Variants in OVCH2 observed in about 807,000 individuals in gnomAD.
The protein encoded by OVCH2 is ovochymase 2, also known as ovochymase-2.
OVCH2 carries 88 observed loss-of-function variants against 73.7 expected under a neutral mutation model. The observed-to-expected ratio is 1.19, with a 90% CI of 1.01 to 1.43. The LOEUF is 1.43. Among genes scored for constraint, OVCH2 ranks in the 40% most tolerant of loss-of-function variants. OVCH2 has a pLI of 0.00. For synonymous variants in OVCH2, 265 were observed against 234.5 expected (o/e 1.13, Z -1.19); for missense variants, 706 against 674.5 (o/e 1.05, Z -0.52).
downstream of OVCH2, among the ~76,000 whole-genome samples, chr11:7,685,416 C>T (rs1443057742): frequency 6.6e-6 from 1 of 152,152 alleles, no homozygotes; most frequent in Non-Finnish European, 1.5e-5. Flanking sequence ...CTATTTCTAC[C>T]CACCTGCTGA....
At chr11:7,691,846 C>T in intron 13 of OVCH2, 56 bp downstream of exon 13, 1 of 1,381,720 alleles carries the variant, frequency 7.2e-7, no homozygotes, top group Non-Finnish European at 1.0e-6. Flanking sequence ...TCGTTCCCAT[C>T]TCAAGACTGG....
At chr11:7,680,930 C>T in the OVCH2 span, among the ~76,000 whole-genome samples, 1 of 152,172 alleles carries the variant, frequency 6.6e-6, no homozygotes, top group East Asian at 1.9e-4. Context: ...GGAGGAGCCC[C>T]CTGTTCTGAT....
chr11:7,678,704 A>G, the OVCH2 span, among the ~76,000 whole-genome samples: 1 of 152,240 alleles, frequency 6.6e-6, no homozygotes, highest in Non-Finnish European at 1.5e-5. Flanking sequence ...TTAATGCCGC[A>G]TGTTCTCACT....
chr11:7,701,355 C>A lies in OVCH2; in HGVS notation c.680G>T (p.Gly227Val), dbSNP rs1856433458. The A allele has an allele frequency of 6.2e-7, 1 of 1,613,278 alleles. No homozygotes were observed. Among genetic ancestry groups the A allele is most frequent in the Non-Finnish European group, 8.5e-7 (1 of 1,179,666 alleles). ...TGCGTCTCTCCCTCCATCAGGAAAA[C>A]CTGTGCAAAGAAAGGTCTTCCCACT... is the stretch of plus-strand genomic sequence containing the variant. Reference protein sequence around the residue: ...PISGKTFLCTGFPDGGRDACQ... With the variant: ...PISGKTFLCTVFPDGGRDACQ... The change falls in exon 6 of 16, where the codon GGT becomes GTT. Residue 227 changes from glycine (G) to valine (V), a missense_variant. Coordinates refer to ENST00000533663, the MANE Select transcript of OVCH2 (RefSeq NM_198185.7).
chr11:7,682,300 C>T, the OVCH2 span, among the ~76,000 whole-genome samples: 1 of 152,196 alleles, frequency 6.6e-6, no homozygotes, highest in Non-Finnish European at 1.5e-5. Context: ...AGTGTTCTTC[C>T]CCTACACCAC....
chr11:7,698,786 A>G lies in OVCH2; in HGVS notation c.902-13T>C, dbSNP rs1393015308. On this transcript the variant is annotated splice_polypyrimidine_tract_variant and intron_variant, in intron 7 of 15. Transcript: ENST00000533663. The stretch of plus-strand genomic sequence containing the variant: ...TTTCTCCGATTACCTGGGAAAGGAA[A>G]AGAAGGATGCAATTGAAAGCCTGTG... 26 of 1,612,644 alleles carry G rather than the reference A, an allele frequency of 1.6e-5. No individual in the cohort carries two copies. The highest frequency in any genetic ancestry group is 2.2e-5 in the Non-Finnish European group (26 of 1,179,428).
chr11:7,695,096 C>T lies in OVCH2; in HGVS notation c.1375G>A (p.Asp459Asn). The change falls in exon 12 of 16, where the codon GAC becomes AAC. Residue 459 changes from aspartate to asparagine, a missense_variant. Transcript: ENST00000533663. ...TGTTTGGAGGCTTGAAAAATCCAGT[C>T]ACAGTTAGCCTTGTCACTGTAGTTT... is the stretch of plus-strand genomic sequence containing the variant. Reference protein sequence around the residue: ...PENYSDKANCDWIFQASKHHL... With the variant: ...PENYSDKANCNWIFQASKHHL... 1 of 1,551,344 alleles carries T rather than the reference C, an allele frequency of 6.4e-7. No individual in the cohort carries two copies. Among genetic ancestry groups the T allele is most frequent in the Non-Finnish European group, 8.7e-7 (1 of 1,146,966 alleles).
intron 1 of OVCH2, 124 bp downstream of exon 1, chr11:7,706,183 T>C (rs1856526644): frequency 9.9e-7 from 1 of 1,014,812 alleles, no homozygotes; most frequent in African/African-American, 1.6e-5. Flanking sequence ...TTAAAAACAA[T>C]TAGATATCCA....
At position 7,696,549 on chromosome 11, in the gene OVCH2, C is replaced by G. The variant is rs1321739575; in HGVS notation, c.1057G>C (p.Val353Leu). Reference sequence around the variant, plus strand: ...TCTAGGTGGGAAAAACTGAGCAACACATGCATTTCCTCTGGTACCAGCAGG... The same window carrying G: ...TCTAGGTGGGAAAAACTGAGCAACAGATGCATTTCCTCTGGTACCAGCAGG... ...WTLLVPEEMHVLLSFSHLDVE... is the reference protein window; with the variant it reads ...WTLLVPEEMHLLLSFSHLDVE... Residue 353 changes from valine to leucine, a missense_variant, in exon 10 of 16, where the codon GTG becomes CTG. By Grantham distance (32) the Val-to-Leu change is conservative (BLOSUM62 1). Transcript: ENST00000533663. The G allele has an allele frequency of 1.9e-6, 3 of 1,614,022 alleles. No individual in the cohort carries two copies. The highest frequency in any genetic ancestry group is 2.5e-6 in the Non-Finnish European group (3 of 1,179,898).
In OVCH2 at chr11:7,698,933, A is replaced by T. The variant is rs568334258; in HGVS notation, c.902-160T>A. On this transcript the variant is annotated intron_variant, in intron 7 of 15. Coordinates refer to ENST00000533663, the MANE Select transcript of OVCH2 (RefSeq NM_198185.7). Reference sequence around the variant, plus strand: ...AAGGGAAGGGATAAATGGATAAAGTAGGAAAGGGCCTCTGGTGTTTTAAAA... The same window carrying T: ...AAGGGAAGGGATAAATGGATAAAGTTGGAAAGGGCCTCTGGTGTTTTAAAA... 33 of 656,428 alleles carry T rather than the reference A, an allele frequency of 5.0e-5. No homozygotes were observed. The South Asian group carries it at 6.7e-4, about 13-fold the overall frequency. 40.7% of individuals were successfully genotyped at this position (656,428 alleles called of 1,614,324 possible). A position where few individuals can be genotyped will look rare whatever the true frequency, so the allele number is the denominator to read the frequency against.
At chr11:7,703,095 A>C (rs1278018327) in intron 3 of OVCH2, among the ~76,000 whole-genome samples, 1 of 152,352 alleles carries the variant, frequency 6.6e-6, no homozygotes, top group South Asian at 2.1e-4. Context: ...TTTGGTATCT[A>C]GCACAAAGTA....
At chr11:7,705,394 C>T (rs866588209) in intron 1 of OVCH2, 8 of 152,196 alleles carry the variant, frequency 5.3e-5, no homozygotes, top group African/African-American at 1.9e-4. Context: ...CTCTGCATTT[C>T]TAAGGTTTAG....
chr11:7,691,301 A>C lies in OVCH2; in HGVS notation c.1607T>G (p.Phe536Cys). The C allele has an allele frequency of 6.2e-7, 1 of 1,613,636 alleles. No homozygotes were observed. Among genetic ancestry groups the C allele is most frequent in the Non-Finnish European group, 8.5e-7 (1 of 1,179,790 alleles). ...AGGAATGAAGGAGACTGTAGCCTGA[A>C]AGCCCCTGCAGGTCCCGTTTTCATC... Reference protein sequence around the residue: ...QSDENGTCRGFQATVSFIPKA... With the variant: ...QSDENGTCRGCQATVSFIPKA... The change falls in exon 14 of 16, where the codon TTT becomes TGT. Residue 536 changes from phenylalanine to cysteine, a missense_variant. Coordinates refer to ENST00000533663, the MANE Select transcript of OVCH2 (RefSeq NM_198185.7).
intron 11 of OVCH2, 131 bp downstream of exon 11, chr11:7,695,439 C>CCTG: frequency 1.0e-6 from 1 of 1,003,378 alleles, no homozygotes; most frequent in South Asian, 1.7e-5. Flanking sequence ...CTCTAGTTGG[C>CCTG]CTGTGCCCCT....
At chr11:7,697,229 CAG>C (rs1399427016) in intron 8 of OVCH2, among the ~76,000 whole-genome samples, 1 of 152,126 alleles carries the variant, frequency 6.6e-6, no homozygotes, top group African/African-American at 2.4e-5. Flanking sequence ...ATTTGTGAGA[CAG>C]AGTCTCACTT....
chr11:7,691,188 G>T, intron 14 of OVCH2, 81 bp downstream of exon 14: 2 of 1,479,150 alleles, frequency 1.4e-6, no homozygotes, highest in Non-Finnish European at 1.8e-6. Flanking sequence ...GACTGTCTCT[G>T]TGTTGGGCTC....
At chr11:7,701,876 C>A in intron 4 of OVCH2, 65 bp from the exon 5 acceptor site, 1 of 1,380,590 alleles carries the variant, frequency 7.2e-7, no homozygotes, top group Non-Finnish European at 1.0e-6. Context: ...AAGCCACTCA[C>A]CACTTGGTAT....
Position 7,695,578 on chromosome 11 carries a change from T to C in OVCH2, c.1274A>G (p.Tyr425Cys), listed in dbSNP as rs771478839. 5.6e-6 allele frequency: 9 copies of C among 1,612,978 alleles called. 1 individual carries two copies. In the South Asian group the frequency reaches 7.7e-5, roughly 14 times the overall value. Residue 425 changes from tyrosine (Y) to cysteine (C), a missense_variant, in exon 11 of 16, where the codon TAC (tyrosine) becomes TGC (cysteine). Coordinates refer to ENST00000533663, the MANE Select transcript of OVCH2 (RefSeq NM_198185.7). ...NLTYKALKPN[Y>C]IPDSGCSYLT... Reference sequence around the variant, plus strand: ...AAAGTAAATGGTTTTACCAGGAATGTAGTTTGGTTTAAGAGCTTTATAGGT... The same window carrying C: ...AAAGTAAATGGTTTTACCAGGAATGCAGTTTGGTTTAAGAGCTTTATAGGT...
At chr11:7,695,314 A>G (rs1856308371) in intron 11 of OVCH2, 126 bp from the exon 12 acceptor site, 1 of 1,222,786 alleles carries the variant, frequency 8.2e-7, no homozygotes, top group Non-Finnish European at 1.1e-6. Flanking sequence ...CGAACAAGAA[A>G]AGACGTAGTG....
Sources: allele counts gnomAD v4.1 joint callset (sites outside exome capture counted in the v4.1 genomes callset), GRCh38; gene constraint gnomAD v4.1.1; transcripts MANE v1.5; gene names NCBI Gene and HGNC (gene_info 2026-07-23, HGNC 2026-07-21).